SGCZ: variants seen among roughly 807,000 people sequenced by gnomAD.
The protein encoded by SGCZ is zeta-sarcoglycan.
A neutral mutation model predicts 41.3 loss-of-function variants in SGCZ; 40 were observed. That is an observed-to-expected ratio of 0.97 (90% CI 0.75 to 1.26). SGCZ has a LOEUF of 1.26. SGCZ is among the 50% of genes most tolerant of loss of function. The probability of loss-of-function intolerance (pLI) is 0.00; values close to 1 mark genes in which losing one functional copy is unlikely to be tolerated. For missense variants in SGCZ, 552 were observed against 369.8 expected, an observed-to-expected ratio of 1.49 and a Z score of -4.04; for synonymous variants, 206 against 137.5, an observed-to-expected ratio of 1.50 and a Z score of -3.49.
intron 2 of SGCZ, among the ~76,000 whole-genome samples, chr8:14,349,440 T>C (rs1803009319): frequency 1.3e-5 from 2 of 152,158 alleles, no homozygotes; most frequent in South Asian, 4.1e-4. Context: ...CTGCAGGCTT[T>C]CCCCTATGTC....
At chr8:14,976,548 C>A (rs1352642698) in intron 1 of SGCZ, among the ~76,000 whole-genome samples, 1 of 152,092 alleles carries the variant, frequency 6.6e-6, no homozygotes, top group Non-Finnish European at 1.5e-5. Flanking sequence ...ATTCCTATGA[C>A]CCTTACACCC....
Position 14,756,266 on chromosome 8 carries a change from A to G in SGCZ, c.40-201340T>C, listed in dbSNP as rs186240448. Among the ~76,000 whole-genome samples, 13 of 151,726 alleles carry G rather than the reference A, an allele frequency of 8.6e-5. No individual in the cohort carries two copies. The East Asian group carries it at 2.5e-3, about 29-fold the overall frequency. ...AATGGAACTATATTGGCTCACCACA[A>G]TCTCCGCCTCCCACGTTCAAGCGAT... On this transcript the variant is annotated intron_variant, in intron 1 of 7. Transcript: ENST00000382080.
chr8:15,104,934 T>A (rs932085864), intron 1 of SGCZ, among the ~76,000 whole-genome samples: 1 of 152,218 alleles, frequency 6.6e-6, no homozygotes, highest in African/African-American at 2.4e-5. Context: ...GTTGTTGTTG[T>A]TGCTGTTTGT....
intron 2 of SGCZ, among the ~76,000 whole-genome samples, chr8:14,488,841 A>T (rs1801758072): frequency 1.3e-5 from 2 of 151,968 alleles, no homozygotes; most frequent in Non-Finnish European, 2.9e-5. Context: ...CATTTTCCCC[A>T]CCTCTTTAAC....
chr8:14,154,796 C>T (rs747146665), intron 5 of SGCZ, among the ~76,000 whole-genome samples: 8 of 152,032 alleles, frequency 5.3e-5, no homozygotes, highest in Non-Finnish European at 7.4e-5. Context: ...ATTAAGGAAA[C>T]GGAGGTACAT....
chr8:14,431,312 G>C lies in SGCZ; in HGVS notation c.235-107108C>G, dbSNP rs527489525. Among the ~76,000 whole-genome samples, 3 of 152,116 alleles carry C rather than the reference G, an allele frequency of 2.0e-5. 1 individual carries two copies. The highest frequency in any genetic ancestry group is 2.1e-4 in the South Asian group (1 of 4,816). The stretch of plus-strand genomic sequence containing the variant: ...TGATACTATAAGATCTTATTCACCC[G>C]AATAGCATGGTACCAGTATAAAAAT... On this transcript the variant is annotated intron_variant, in intron 2 of 7. Transcript: ENST00000382080.
intron 1 of SGCZ, among the ~76,000 whole-genome samples, chr8:14,668,957 G>A (rs1194201935): frequency 6.6e-6 from 1 of 151,630 alleles, no homozygotes; most frequent in African/African-American, 2.4e-5. Flanking sequence ...TGTTTGTGGT[G>A]AGAACATGTA....
chr8:15,118,733 A>G (rs920837166), intron 1 of SGCZ, among the ~76,000 whole-genome samples: 1 of 151,942 alleles, frequency 6.6e-6, no homozygotes, highest in Non-Finnish European at 1.5e-5. Flanking sequence ...TATATTAGGA[A>G]AAAAAAATAG....
At chr8:15,215,619 G>C (rs1252221242) in intron 1 of SGCZ, among the ~76,000 whole-genome samples, 1 of 152,150 alleles carries the variant, frequency 6.6e-6, no homozygotes, top group East Asian at 1.9e-4. Flanking sequence ...TTTAGCACAA[G>C]GGGAGAAGTA....
intron 1 of SGCZ, among the ~76,000 whole-genome samples, chr8:14,809,448 G>T (rs1269792275): frequency 1.3e-5 from 2 of 152,074 alleles, no homozygotes; most frequent in Non-Finnish European, 2.9e-5. Context: ...AAAACACAAA[G>T]TGTCCTGAAG....
chr8:15,222,781 G>C (rs557697078), intron 1 of SGCZ, among the ~76,000 whole-genome samples: 143 of 152,100 alleles, frequency 9.4e-4, no homozygotes, highest in African/African-American at 3.3e-3. Flanking sequence ...CTGTGTGTGT[G>C]TGTATGCGTG....
At chr8:14,642,177 A>G (rs1174232158) in intron 1 of SGCZ, among the ~76,000 whole-genome samples, 2 of 151,714 alleles carry the variant, frequency 1.3e-5, no homozygotes, top group Non-Finnish European at 3.0e-5. Flanking sequence ...ACTAACGTGA[A>G]TATTTCCTTG....
At chr8:15,041,209 C>T (rs74718900) in intron 1 of SGCZ, among the ~76,000 whole-genome samples, 3,824 of 151,050 alleles carry the variant, frequency 0.025, 70 homozygotes, top group Admixed American at 0.053. Context: ...CATGATCTGG[C>T]GCCATAAGAA....
At chr8:14,570,357 T>G (rs1225059575) in intron 1 of SGCZ, among the ~76,000 whole-genome samples, 2 of 152,190 alleles carry the variant, frequency 1.3e-5, no homozygotes, top group Non-Finnish European at 1.5e-5. Context: ...TAAGGTGTGA[T>G]AGTCAGAGGA....
intron 1 of SGCZ, among the ~76,000 whole-genome samples, chr8:15,217,724 T>C (rs1472197507): frequency 6.6e-6 from 1 of 152,216 alleles, no homozygotes; most frequent in Non-Finnish European, 1.5e-5. Context: ...TATCTACTTA[T>C]ACAAATTAGA....
intron 1 of SGCZ, among the ~76,000 whole-genome samples, chr8:14,880,360 G>T: frequency 6.6e-6 from 1 of 152,202 alleles, no homozygotes; most frequent in Admixed American, 6.5e-5. Flanking sequence ...TGGTGGGACT[G>T]TAAACTAGTT....
At chr8:14,875,556 G>A (rs768994373) in intron 1 of SGCZ, among the ~76,000 whole-genome samples, 23 of 152,104 alleles carry the variant, frequency 1.5e-4, no homozygotes, top group Admixed American at 3.9e-4. Flanking sequence ...CGAAAAGCAC[G>A]TGTTAAGAGT....
intron 4 of SGCZ, among the ~76,000 whole-genome samples, chr8:14,180,536 C>T (rs1210394286): frequency 6.6e-6 from 1 of 151,900 alleles, no homozygotes; most frequent in Non-Finnish European, 1.5e-5. Context: ...TATAACCCAA[C>T]ATGCGCAGTC....
chr8:14,773,708 T>C (rs1483860646), intron 1 of SGCZ, among the ~76,000 whole-genome samples: 2 of 152,136 alleles, frequency 1.3e-5, no homozygotes, highest in African/African-American at 2.4e-5. Flanking sequence ...ACATGCATCA[T>C]ACAGAGCTGT....
Sources: allele counts gnomAD v4.1 joint callset (sites outside exome capture counted in the v4.1 genomes callset), GRCh38; gene constraint gnomAD v4.1.1; transcripts MANE v1.5; gene names NCBI Gene and HGNC (gene_info 2026-07-23, HGNC 2026-07-21).